The following ATF7 variants were observed in gnomAD, a reference collection of about 807,000 sequenced individuals.
ATF7 encodes the protein activating transcription factor 7.
Under a neutral mutation model 50.4 loss-of-function variants are expected in ATF7, and 10 were observed. The ratio of observed to expected loss-of-function variants is 0.20; its 90% CI spans 0.12 to 0.34. The LOEUF (loss-of-function observed/expected upper bound fraction) is 0.34, where lower values mean the gene tolerates loss of function less well. ATF7 is among the 10% of genes least tolerant of loss of function. The pLI is 1.00. For missense variants in ATF7, 465 were observed against 613.9 expected, an observed-to-expected ratio of 0.76 and a Z score of 2.56; for synonymous variants, 201 against 226.4, an observed-to-expected ratio of 0.89 and a Z score of 1.01.
chr12:53,605,924 G>T (rs901868710), intron 1 of ATF7, among the ~76,000 whole-genome samples: 2 of 152,134 alleles, frequency 1.3e-5, no homozygotes, highest in African/African-American at 2.4e-5. Context: ...TCAGGTTTCT[G>T]CAGAAAGCTG....
intron 2 of ATF7, among the ~76,000 whole-genome samples, chr12:53,563,530 G>A (rs979837244): frequency 1.3e-5 from 2 of 152,228 alleles, no homozygotes; most frequent in East Asian, 3.9e-4. Flanking sequence ...AGGTGGGAGG[G>A]ATCACTTGAA....
intron 1 of ATF7, among the ~76,000 whole-genome samples, chr12:53,617,259 G>A (rs1030570250): frequency 2.6e-5 from 4 of 152,152 alleles, no homozygotes; most frequent in African/African-American, 4.8e-5. Context: ...CTGGGCCCAA[G>A]CCTCCCAAAG....
chr12:53,593,096 T>C (rs1270793775), intron 2 of ATF7, among the ~76,000 whole-genome samples: 2 of 152,184 alleles, frequency 1.3e-5, no homozygotes, highest in East Asian at 3.8e-4. Context: ...TCTTAAAATA[T>C]TACAAAGTCC....
At chr12:53,602,434 A>G (rs1019962274) in intron 1 of ATF7, among the ~76,000 whole-genome samples, 1 of 152,132 alleles carries the variant, frequency 6.6e-6, no homozygotes, top group African/African-American at 2.4e-5. Flanking sequence ...CTCTCTTAGG[A>G]CTCACTGTGG....
intron 3 of ATF7, chr12:53,543,825 C>A: frequency 5.5e-6 from 1 of 182,190 alleles, no homozygotes; most frequent in Non-Finnish European, 1.1e-5. Flanking sequence ...GCAATATTTT[C>A]TTTCGTAAAT....
intron 5 of ATF7, among the ~76,000 whole-genome samples, 193 bp downstream of exon 5, chr12:53,537,222 C>A (rs1395537891): frequency 1.3e-5 from 2 of 151,972 alleles, no homozygotes; most frequent in Non-Finnish European, 2.9e-5. Flanking sequence ...GCATGCTCCA[C>A]CACGCCCAGG....
downstream of ATF7, among the ~76,000 whole-genome samples, chr12:53,511,669 T>C (rs1944130012): frequency 6.6e-6 from 1 of 152,214 alleles, no homozygotes; most frequent in Non-Finnish European, 1.5e-5. Context: ...AACAGCCACT[T>C]TTTAATGGTT....
At chr12:53,536,987 A>C (rs1939262508) in intron 5 of ATF7, among the ~76,000 whole-genome samples, 1 of 152,206 alleles carries the variant, frequency 6.6e-6, no homozygotes, top group Non-Finnish European at 1.5e-5. Context: ...TAGACTTATA[A>C]GTGAAATTGC....
At chr12:53,553,720 C>G (rs1940530013) in intron 2 of ATF7, among the ~76,000 whole-genome samples, 2 of 152,198 alleles carry the variant, frequency 1.3e-5, no homozygotes, top group South Asian at 4.1e-4. Context: ...CTCCTTCACA[C>G]TGAGGCTCTG....
In ATF7 at chr12:53,582,198, G is replaced by A. The variant is rs111238649; in HGVS notation, c.48+18755C>T. Among the ~76,000 whole-genome samples the A allele has an allele frequency of 8.9e-3, 1,343 of 151,720 alleles. 6 individuals are homozygous for A. The highest frequency in any genetic ancestry group is 0.012 in the Non-Finnish European group (830 of 67,910). On this transcript the variant is annotated intron_variant, in intron 2 of 11. Coordinates refer to ENST00000420353, the MANE Select transcript of ATF7 (RefSeq NM_006856.3). ...AAAAAAATTAGCTGAGCATGGTGGC[G>A]CGCGCCTGTAATCCCAGCTACTCAG...
chr12:53,529,710 T>TACACACACACACACAC (rs796404325), intron 9 of ATF7, among the ~76,000 whole-genome samples: 13,692 of 132,048 alleles, frequency 0.1, 864 homozygotes, highest in Admixed American at 0.18. Flanking sequence ...TATATACACA[T>TACACACACACACACAC]ACACACACAC....
downstream of ATF7, among the ~76,000 whole-genome samples, chr12:53,510,015 C>T (rs1339885204): frequency 1.3e-5 from 2 of 151,870 alleles, no homozygotes; most frequent in Non-Finnish European, 2.9e-5. Context: ...ACCTGACATT[C>T]ATCATCATGG....
chr12:53,559,256 G>T (rs1029924961), intron 2 of ATF7, among the ~76,000 whole-genome samples: 2 of 151,448 alleles, frequency 1.3e-5, no homozygotes, highest in African/African-American at 2.4e-5. Context: ...AGAGATGGGG[G>T]TCCCATTACG....
At chr12:53,575,245 T>C (rs1941994581) in intron 2 of ATF7, among the ~76,000 whole-genome samples, 1 of 151,900 alleles carries the variant, frequency 6.6e-6, no homozygotes, top group Non-Finnish European at 1.5e-5. Context: ...CTGTCTCTAC[T>C]AAAAATACAA....
chr12:53,566,512 A>T (rs938986745), intron 2 of ATF7, among the ~76,000 whole-genome samples: 1 of 152,202 alleles, frequency 6.6e-6, no homozygotes, highest in Non-Finnish European at 1.5e-5. Context: ...CTTCTGATGT[A>T]AGGCTTTTGT....
At chr12:53,568,343 C>T (rs1565961328) in intron 2 of ATF7, among the ~76,000 whole-genome samples, 1 of 151,326 alleles carries the variant, frequency 6.6e-6, no homozygotes, top group African/African-American at 2.5e-5. Context: ...CACATGCACT[C>T]GTCTCTAAAA....
At chr12:53,593,613 G>A (rs1164470144) in intron 2 of ATF7, among the ~76,000 whole-genome samples, 3 of 152,202 alleles carry the variant, frequency 2.0e-5, no homozygotes, top group Non-Finnish European at 2.9e-5. Context: ...CACAGCCACT[G>A]TATGTGGTTA....
At chr12:53,521,160 T>C (rs974056378) in intron 11 of ATF7, among the ~76,000 whole-genome samples, 1 of 152,106 alleles carries the variant, frequency 6.6e-6, no homozygotes, top group Non-Finnish European at 1.5e-5. Context: ...GCCCAGCTAA[T>C]TTTTTGTATT....
chr12:53,593,146 T>C (rs1038947658), intron 2 of ATF7, among the ~76,000 whole-genome samples: 1 of 152,194 alleles, frequency 6.6e-6, no homozygotes, highest in African/African-American at 2.4e-5. Context: ...TGCTAATGAC[T>C]GTAATCCCAA....
Sources: allele counts gnomAD v4.1 joint callset (sites outside exome capture counted in the v4.1 genomes callset), GRCh38; gene constraint gnomAD v4.1.1; transcripts MANE v1.5; gene names NCBI Gene and HGNC (gene_info 2026-07-23, HGNC 2026-07-21).